The following AMBRA1 variants were observed in gnomAD, a reference collection of about 807,000 sequenced individuals.
AMBRA1 encodes the protein autophagy and beclin 1 regulator 1.
Under a neutral mutation model 125.4 loss-of-function variants are expected in AMBRA1, and 47 were observed. The observed-to-expected ratio is 0.37, with a 90% CI of 0.30 to 0.48. The LOEUF (loss-of-function observed/expected upper bound fraction) is 0.48, where lower values mean the gene tolerates loss of function less well. Among genes scored for constraint, AMBRA1 ranks in the 20% least tolerant of loss-of-function variants. AMBRA1 has a pLI of 0.99. For missense variants in AMBRA1, 1,331 were observed against 1,693.4 expected (o/e 0.79, Z 3.76); for synonymous variants, 626 against 655.5 (o/e 0.95, Z 0.69).
At chr11:46,481,652 C>T (rs1950075278) in intron 11 of AMBRA1, among the ~76,000 whole-genome samples, 1 of 152,152 alleles carries the variant, frequency 6.6e-6, no homozygotes, top group African/African-American at 2.4e-5. Context: ...CATGATCTAC[C>T]GCGCCCGGCC....
intron 1 of AMBRA1, among the ~76,000 whole-genome samples, chr11:46,589,897 C>A (rs1310851594): frequency 6.6e-6 from 1 of 151,412 alleles, no homozygotes; most frequent in Non-Finnish European, 1.5e-5. Context: ...GCTGGGATTA[C>A]AGGTGTGAGC....
At chr11:46,555,868 T>TA (rs1282569705) in intron 1 of AMBRA1, among the ~76,000 whole-genome samples, 1 of 152,246 alleles carries the variant, frequency 6.6e-6, no homozygotes, top group Admixed American at 6.5e-5. Flanking sequence ...AAGAAGCTGT[T>TA]AAAATGGAGT....
chr11:46,441,880 G>C (rs1403898397), intron 12 of AMBRA1, among the ~76,000 whole-genome samples: 1 of 148,794 alleles, frequency 6.7e-6, no homozygotes, highest in Non-Finnish European at 1.5e-5. Flanking sequence ...AGCATTACGA[G>C]ATTTATACTA....
At chr11:46,463,033 C>T (rs1056645399) in intron 11 of AMBRA1, among the ~76,000 whole-genome samples, 17 of 152,286 alleles carry the variant, frequency 1.1e-4, no homozygotes, top group Admixed American at 3.3e-4. Flanking sequence ...GGATTACAGG[C>T]GTGAGCCACC....
At chr11:46,429,250 C>A (rs1947332193) in intron 14 of AMBRA1, 2 of 963,254 alleles carry the variant, frequency 2.1e-6, no homozygotes, top group Non-Finnish European at 1.6e-6. Flanking sequence ...AGCCTCCAGC[C>A]CCTATCGCTA....
chr11:46,425,514 A>G (rs1298441588), intron 14 of AMBRA1, among the ~76,000 whole-genome samples: 1 of 152,204 alleles, frequency 6.6e-6, no homozygotes, highest in African/African-American at 2.4e-5. Context: ...TGCTGGAACT[A>G]GAACCTGGAG....
intron 16 of AMBRA1, 124 bp downstream of exon 16, chr11:46,410,152 G>T: frequency 1.3e-6 from 1 of 794,326 alleles, no homozygotes. Flanking sequence ...AAAAGATCAA[G>T]GAGGTGCTGC....
intron 11 of AMBRA1, among the ~76,000 whole-genome samples, chr11:46,447,333 G>A (rs973793877): frequency 2.0e-5 from 3 of 151,976 alleles, no homozygotes; most frequent in Admixed American, 6.6e-5. Flanking sequence ...TCAGGAGTTC[G>A]AGACCAGCGT....
intron 1 of AMBRA1, among the ~76,000 whole-genome samples, chr11:46,585,698 ATATATATATATATATATATAT>A (rs2044367284): frequency 2.1e-5 from 1 of 47,268 alleles, no homozygotes; most frequent in Non-Finnish European, 4.5e-5. Context: ...AAAAAAAAAT[ATATATATATATATATATATAT>A]ATATTCCTAG....
intron 14 of AMBRA1, 56 bp from the exon 15 acceptor site, chr11:46,418,108 C>T: frequency 6.9e-7 from 1 of 1,458,708 alleles, no homozygotes; most frequent in Middle Eastern, 1.8e-4. Flanking sequence ...AATTTGTTAC[C>T]AAGAATAACA....
rs1242359243 is a variant in AMBRA1, at chr11:46,434,868, C to G, written c.2802G>C (p.Met934Ile). 1.4e-5 allele frequency: 23 copies of G among 1,610,230 alleles called. No homozygotes were observed. Among genetic ancestry groups the G allele is most frequent in the Non-Finnish European group, 1.8e-5 (21 of 1,178,478 alleles). The change falls in exon 13 of 18, where the codon ATG becomes ATC. Residue 934 changes from methionine (M) to isoleucine (I), a missense_variant. Met to Ile is a conservative substitution (Grantham distance 10). This residue lies in a region of AMBRA1 where 354 missense variants were observed against 532.7 expected (regional missense o/e 0.66). Transcript: ENST00000683756. ...CCTTACCAAATCGCTTGGTGTAGAG[C>G]ATTTCGCCCAGGTTATGGGGGGCCA... The part of the protein sequence containing the change: ...YSLAPHNLGE[M>I]LYTKRFGPNA...
At chr11:46,533,995 C>T (rs1021599326) in intron 7 of AMBRA1, among the ~76,000 whole-genome samples, 3 of 151,366 alleles carry the variant, frequency 2.0e-5, no homozygotes, top group Non-Finnish European at 4.4e-5. Flanking sequence ...TTTGTTTTCG[C>T]ACTTCTTTAA....
chr11:46,548,847 C>T (rs1274791909), intron 1 of AMBRA1, among the ~76,000 whole-genome samples: 1 of 152,020 alleles, frequency 6.6e-6, no homozygotes, highest in Non-Finnish European at 1.5e-5. Context: ...AAAAATTAGC[C>T]GGGTGTGGTG....
chr11:46,403,381 G>C (rs536872224), intron 17 of AMBRA1, among the ~76,000 whole-genome samples: 1 of 152,210 alleles, frequency 6.6e-6, no homozygotes, highest in Non-Finnish European at 1.5e-5. Context: ...ATCTTCACCA[G>C]ACAAAACAGA....
chr11:46,546,379 T>C (rs761475477), intron 4 of AMBRA1, among the ~76,000 whole-genome samples: 14 of 152,108 alleles, frequency 9.2e-5, no homozygotes, highest in Non-Finnish European at 1.3e-4. Flanking sequence ...TCAAGCTCGG[T>C]GCACAACATG....
chr11:46,550,630 C>T (rs2042963228), intron 1 of AMBRA1, among the ~76,000 whole-genome samples: 1 of 152,110 alleles, frequency 6.6e-6, no homozygotes, highest in African/African-American at 2.4e-5. Context: ...TATTAGCTGG[C>T]TTTCTTGTAC....
chr11:46,503,317 A>T (rs941756351), intron 9 of AMBRA1, among the ~76,000 whole-genome samples: 3 of 152,222 alleles, frequency 2.0e-5, no homozygotes, highest in Non-Finnish European at 4.4e-5. Flanking sequence ...AGGCCCAAGA[A>T]GAGGAAGAGA....
chr11:46,403,089 T>C (rs867750147), intron 17 of AMBRA1, among the ~76,000 whole-genome samples: 34 of 152,178 alleles, frequency 2.2e-4, no homozygotes, highest in Admixed American at 5.2e-4. Context: ...AAATAGGAAA[T>C]TGATTTAGAG....
At chr11:46,513,095 A>G (rs1951326924) in intron 7 of AMBRA1, among the ~76,000 whole-genome samples, 1 of 152,160 alleles carries the variant, frequency 6.6e-6, no homozygotes, top group Non-Finnish European at 1.5e-5. Context: ...TTCTATTTGC[A>G]GTACCTCCAG....
Sources: gnomAD v4.1 joint callset for allele counts (sites outside exome capture counted in the v4.1 genomes callset) on GRCh38, gnomAD v4.1.1 for gene constraint, gnomAD v4.1.1 regional missense constraint, MANE v1.5 for transcripts, NCBI Gene and HGNC (gene_info 2026-07-23, HGNC 2026-07-21) for gene names.